The following GAN variants were observed in gnomAD, a reference collection of about 807,000 sequenced individuals.
GAN encodes epididymis secretory sperm binding protein.
GAN carries 48 observed loss-of-function variants against 71.3 expected under a neutral mutation model. The ratio of observed to expected loss-of-function variants is 0.67; its 90% CI spans 0.53 to 0.86. The LOEUF is 0.86. Among genes scored for constraint, GAN ranks in the 40% least tolerant of loss-of-function variants. GAN has a pLI of 0.00. For synonymous variants in GAN, 386 were observed against 276.8 expected (o/e 1.39, Z -3.92); for missense variants, 928 against 770.1 (o/e 1.21, Z -2.43).
In GAN at chr16:81,379,912, T is replaced by C. The variant is rs1904296788; in HGVS notation, c.*2316T>C. 1 of 150,698 alleles carries C rather than the reference T, an allele frequency of 6.6e-6. No individual in the cohort carries two copies. Among genetic ancestry groups the C allele is most frequent in the African/African-American group, 2.5e-5 (1 of 40,184 alleles). 9.3% of individuals were successfully genotyped at this position (150,698 alleles called of 1,614,324 possible). The stretch of plus-strand genomic sequence containing the variant: ...ACTTGGTAAATTCATTTTATAAAAA[T>C]AGTGTTTTTTTTTTTTAATTTCAGT... On this transcript the variant is annotated 3_prime_UTR_variant, in exon 11 of 11. Transcript: ENST00000648994.
intron 1 of GAN, among the ~76,000 whole-genome samples, chr16:81,331,572 G>A (rs1168240931): frequency 2.6e-5 from 4 of 152,030 alleles, no homozygotes; most frequent in Non-Finnish European, 5.9e-5. Context: ...CCTAAGGAGC[G>A]GCTCCATTTC....
rs1286045493 is a variant in GAN at position 81,382,521 on chromosome 16, T to C, written c.*4925T>C. On this transcript the variant is annotated 3_prime_UTR_variant, in exon 11 of 11. Coordinates refer to ENST00000648994, the MANE Select transcript of GAN (RefSeq NM_022041.4). ...AGAGCTTCATGTATACTTCCCTCTC[T>C]TATTCCATGTAATTAGTAAGGGAAA... The C allele has an allele frequency of 2.0e-5, 3 of 152,230 alleles. No individual in the cohort carries two copies. The highest frequency in any genetic ancestry group is 2.0e-4 in the Admixed American group (3 of 15,284). The allele number at this position is 152,230 out of a possible 1,614,324, so 9.4% of individuals were successfully genotyped here. A position where few individuals can be genotyped will look rare whatever the true frequency, so the allele number is the denominator to read the frequency against.
At chr16:81,323,132 C>A (rs542821676) in intron 1 of GAN, among the ~76,000 whole-genome samples, 1 of 152,312 alleles carries the variant, frequency 6.6e-6, no homozygotes, top group African/African-American at 2.4e-5. Flanking sequence ...TTTCCCACAA[C>A]TTCTAGCTTC....
In GAN at chr16:81,323,672, C is replaced by T. The variant is rs754617945; in HGVS notation, c.167+8392C>T. 3.9e-5 allele frequency among the ~76,000 whole-genome samples: 6 copies of T among 152,160 alleles called. No individual in the cohort carries two copies. The East Asian group carries it at 9.6e-4, about 24-fold the overall frequency. On this transcript the variant is annotated intron_variant, in intron 1 of 10. Transcript: ENST00000648994. ...TTAGGGAGTTGATTACAGGTTTAGT[C>T]GTTTAATACATACACAGGAGATAAC...
At chr16:81,371,024 C>A (rs1304642006) in intron 9 of GAN, among the ~76,000 whole-genome samples, 1 of 152,210 alleles carries the variant, frequency 6.6e-6, no homozygotes, top group African/African-American at 2.4e-5. Context: ...ATTTTTCCTT[C>A]TTCAGATTGG....
chr16:81,375,566 T>G (rs1904277577), intron 9 of GAN, among the ~76,000 whole-genome samples: 1 of 152,032 alleles, frequency 6.6e-6, no homozygotes, highest in African/African-American at 2.4e-5. Context: ...GCTCAAGTGA[T>G]TCACCTGCCT....
At chr16:81,352,825 A>G (rs911754344) in intron 2 of GAN, among the ~76,000 whole-genome samples, 2 of 152,226 alleles carry the variant, frequency 1.3e-5, no homozygotes, top group Non-Finnish European at 2.9e-5. Context: ...GTAGCATCAC[A>G]TAACCAGGGC....
At chr16:81,331,743 G>C (rs1171222110) in intron 1 of GAN, among the ~76,000 whole-genome samples, 8 of 152,154 alleles carry the variant, frequency 5.3e-5, no homozygotes, top group African/African-American at 1.7e-4. Flanking sequence ...ATACAATATA[G>C]AGCAAATCTC....
rs1904298190 is a variant in GAN, at chr16:81,380,173, T to C, written c.*2577T>C. On this transcript the variant is annotated 3_prime_UTR_variant, in exon 11 of 11. Coordinates refer to ENST00000648994, the MANE Select transcript of GAN (RefSeq NM_022041.4). ...TCAGTATTGTAAAATAAATGTTGAC[T>C]CATTTCATGCAGGTTTGTGTTTTAA... 6.6e-6 allele frequency: 1 copy of C among 152,652 alleles called. No homozygotes were observed. The highest frequency in any genetic ancestry group is 1.5e-5 in the Non-Finnish European group (1 of 68,032). 9.5% of individuals were successfully genotyped at this position (152,652 alleles called of 1,614,324 possible).
intron 1 of GAN, among the ~76,000 whole-genome samples, chr16:81,350,518 ATTT>A (rs11430822): frequency 1.4e-5 from 2 of 145,132 alleles, no homozygotes; most frequent in Non-Finnish European, 1.5e-5. Flanking sequence ...TACTTACTTA[ATTT>A]TTTTTTTTTT....
At chr16:81,360,121 G>T (rs1418828856) in intron 5 of GAN, among the ~76,000 whole-genome samples, 1 of 152,170 alleles carries the variant, frequency 6.6e-6, no homozygotes, top group African/African-American at 2.4e-5. Context: ...CAGGCAGGTA[G>T]GTAGGTAGAT....
At chr16:81,315,603 C>T (rs1021572703) in intron 1 of GAN, among the ~76,000 whole-genome samples, 1 of 152,090 alleles carries the variant, frequency 6.6e-6, no homozygotes, top group Non-Finnish European at 1.5e-5. Flanking sequence ...ACCTCGGAGA[C>T]CCTGAGGCCC....
chr16:81,331,809 A>T (rs1445633720), intron 1 of GAN, among the ~76,000 whole-genome samples: 2 of 152,250 alleles, frequency 1.3e-5, no homozygotes, highest in East Asian at 3.8e-4. Context: ...CCGTACGCCC[A>T]GACTGGGGTC....
chr16:81,371,860 C>T (rs1398225206), intron 9 of GAN: 1 of 152,176 alleles, frequency 6.6e-6, no homozygotes, highest in Non-Finnish European at 1.5e-5. Context: ...CATTTCTTTC[C>T]AGAATCTACC....
rs1904511125 is a variant in GAN at position 81,389,774 on chromosome 16, C to A, written c.*12178C>A. 2.0e-5 allele frequency: 3 copies of A among 152,224 alleles called. No homozygotes were observed. The allele number at this position is 152,224 out of a possible 1,614,324, so 9.4% of individuals were successfully genotyped here. On this transcript the variant is annotated 3_prime_UTR_variant, in exon 11 of 11. Transcript: ENST00000648994. ...GGCTGCTCTTTGCAGTGGTCCCTGG[C>A]CCAGCAGGTGGCCGGCGTGGCTCCT...
chr16:81,379,962 T>G lies in GAN; in HGVS notation c.*2366T>G, dbSNP rs971961224. On this transcript the variant is annotated 3_prime_UTR_variant, in exon 11 of 11. Transcript: ENST00000648994. ...TTCATTGACTCTATAACTGCAGAAA[T>G]TAGATAATGTTTTATAAAATAAATT... 7 of 152,422 alleles carry G rather than the reference T, an allele frequency of 4.6e-5. No individual in the cohort carries two copies. Among genetic ancestry groups the G allele is most frequent in the Admixed American group, 4.6e-4 (7 of 15,264 alleles). The allele number at this position is 152,422 out of a possible 1,614,324, so 9.4% of individuals were successfully genotyped here. A position where few individuals can be genotyped will look rare whatever the true frequency, so the allele number is the denominator to read the frequency against.
intron 1 of GAN, among the ~76,000 whole-genome samples, chr16:81,336,912 T>C (rs1398888069): frequency 6.6e-6 from 1 of 152,242 alleles, no homozygotes; most frequent in Admixed American, 6.5e-5. Context: ...TATACATTTG[T>C]TACAATTCCT....
At chr16:81,328,052 G>C (rs773815195) in intron 1 of GAN, among the ~76,000 whole-genome samples, 5 of 152,102 alleles carry the variant, frequency 3.3e-5, no homozygotes, top group African/African-American at 1.2e-4. Flanking sequence ...CGTTTTAATC[G>C]TCTTTGAACT....
At position 81,362,597 on chromosome 16, in the gene GAN, C is replaced by G; in HGVS notation, c.1072C>G (p.Pro358Ala). 1 of 1,538,514 alleles carries G rather than the reference C, an allele frequency of 6.5e-7. No individual in the cohort carries two copies. The highest frequency in any genetic ancestry group is 9.0e-7 in the Non-Finnish European group (1 of 1,110,852). ...AGATGCAAATACATGGACAGCATTGCCACCTATGAACGAGGTAAAACACTA... is the reference window on the plus strand; with the variant it reads ...AGATGCAAATACATGGACAGCATTGGCACCTATGAACGAGGTAAAACACTA... Reference protein sequence around the residue: ...DPDANTWTALPPMNEARHNFG... With the variant: ...DPDANTWTALAPMNEARHNFG... Residue 358 changes from proline to alanine, a missense_variant, in exon 6 of 11, where the codon CCA (proline) becomes GCA (alanine). Transcript: ENST00000648994.
Sources: allele counts gnomAD v4.1 joint callset (sites outside exome capture counted in the v4.1 genomes callset), GRCh38; gene constraint gnomAD v4.1.1; transcripts MANE v1.5; gene names NCBI Gene and HGNC (gene_info 2026-07-23, HGNC 2026-07-21).